The following ZNF839 variants were observed in gnomAD, a reference collection of about 807,000 sequenced individuals.
The protein encoded by ZNF839 is renal carcinoma antigen NY-REN-50.
ZNF839 carries 38 observed loss-of-function variants against 56.4 expected under a neutral mutation model. The observed-to-expected ratio is 0.67, with a 90% confidence interval of 0.52 to 0.88. ZNF839 has a LOEUF of 0.88. Among genes scored for constraint, ZNF839 ranks in the 40% least tolerant of loss-of-function variants. ZNF839 has a pLI of 0.00. For synonymous variants in ZNF839, 486 were observed against 493.5 expected (o/e 0.98, Z 0.20); for missense variants, 1,091 against 1,177.6 (o/e 0.93, Z 1.08).
chr14:102,323,740 G>A (rs558332358), intron 1 of ZNF839, among the ~76,000 whole-genome samples: 1 of 152,142 alleles, frequency 6.6e-6, no homozygotes, highest in South Asian at 2.1e-4. Context: ...CTACGCCTAG[G>A]TACATGCCCC....
intron 6 of ZNF839, 21 bp from the exon 7 acceptor site, chr14:102,339,073 G>C (rs796858020): frequency 1.2e-6 from 2 of 1,613,826 alleles, no homozygotes; most frequent in South Asian, 2.2e-5. Context: ...TATTCTAGCT[G>C]ATTGGGTCTT....
chr14:102,338,751 G>A, intron 5 of ZNF839, 65 bp from the exon 6 acceptor site: 1 of 1,599,238 alleles, frequency 6.3e-7, no homozygotes, highest in Non-Finnish European at 8.5e-7. Flanking sequence ...TCTTGCATGT[G>A]AATGTGCTTC....
At chr14:102,331,584 T>C in intron 2 of ZNF839, 38 bp from the exon 3 acceptor site, 1 of 1,533,978 alleles carries the variant, frequency 6.5e-7, no homozygotes, top group Non-Finnish European at 8.9e-7. Context: ...TAAAGCATGA[T>C]TGTTTTATTT....
At chr14:102,329,679 C>A (rs998161464) in intron 2 of ZNF839, among the ~76,000 whole-genome samples, 10 of 150,948 alleles carry the variant, frequency 6.6e-5, no homozygotes, top group Non-Finnish European at 1.3e-4. Flanking sequence ...GCCACTGCAC[C>A]TTGCCTCATT....
rs561854425 is a variant in ZNF839 at position 102,339,099 on chromosome 14, G to A, written c.1803G>A (p.Ala601=). The A allele has an allele frequency of 1.1e-4, 181 of 1,613,796 alleles. 1 individual carries two copies. The South Asian group carries it at 1.5e-3, about 13-fold the overall frequency. The change falls in exon 7 of 8, where the codon GCG becomes GCA. Residue 601 remains alanine (A), a synonymous_variant. Coordinates refer to ENST00000442396, the MANE Select transcript of ZNF839 (RefSeq NM_018335.6). ...ASSEKREREA[A]EEGLASVKRP... The stretch of plus-strand genomic sequence containing the variant: ...ATTGGGTCTTCTCTTCACAGGCTGC[G>A]GAGGAGGGACTGGCCTCAGTGAAAA...
chr14:102,334,736 C>A (rs2073940962), intron 4 of ZNF839, 90 bp downstream of exon 4: 2 of 671,090 alleles, frequency 3.0e-6, no homozygotes, highest in Non-Finnish European at 4.4e-6. Flanking sequence ...TTTTCAATAG[C>A]CTGCATAGTT....
chr14:102,331,174 A>G (rs1438467022), intron 2 of ZNF839, among the ~76,000 whole-genome samples: 1 of 152,264 alleles, frequency 6.6e-6, no homozygotes, highest in Non-Finnish European at 1.5e-5. Context: ...AAAGTTTAAA[A>G]AGTCATGGAT....
intron 5 of ZNF839, chr14:102,336,733 CTTTT>C: frequency 2.1e-5 from 6 of 290,692 alleles, no homozygotes; most frequent in East Asian, 1.1e-4. Context: ...TCATTTTCTT[CTTTT>C]TTTTTTTTTG....
At chr14:102,325,245 T>C (rs2073348465) in intron 1 of ZNF839, among the ~76,000 whole-genome samples, 1 of 149,230 alleles carries the variant, frequency 6.7e-6, no homozygotes, top group African/African-American at 2.5e-5. Context: ...GAGGCTGAGA[T>C]GAGAGAATCG....
chr14:102,328,335 CAA>C (rs2073531025), intron 2 of ZNF839, among the ~76,000 whole-genome samples: 1 of 86,270 alleles, frequency 1.2e-5, no homozygotes, highest in Non-Finnish European at 2.1e-5. Context: ...GCCTGGGCAA[CAA>C]GAGTGAAACT....
chr14:102,320,106 C>A (rs2073044796), intron 1 of ZNF839, 53 bp downstream of exon 1: 1 of 1,142,594 alleles, frequency 8.8e-7, no homozygotes, highest in Admixed American at 4.8e-5. Flanking sequence ...GGGCCGACGC[C>A]CCGCGGCGGG....
chr14:102,327,731 T>A (rs1678453833), intron 2 of ZNF839, among the ~76,000 whole-genome samples: 1 of 152,198 alleles, frequency 6.6e-6, no homozygotes, highest in Non-Finnish European at 1.5e-5. Context: ...TAGTGGAGGA[T>A]CTGAGACCCC....
chr14:102,328,734 G>A (rs1481798020), intron 2 of ZNF839, among the ~76,000 whole-genome samples: 1 of 151,934 alleles, frequency 6.6e-6, no homozygotes, highest in East Asian at 1.9e-4. Flanking sequence ...GAGTCACAGG[G>A]TATTTGTCTT....
chr14:102,338,718 T>C, intron 5 of ZNF839, 98 bp from the exon 6 acceptor site: 2 of 1,543,612 alleles, frequency 1.3e-6, no homozygotes, highest in Non-Finnish European at 1.8e-6. Context: ...CTTTGTAGAT[T>C]TAATTCTATG....
intron 5 of ZNF839, among the ~76,000 whole-genome samples, chr14:102,338,096 C>T (rs1350111051): frequency 6.6e-6 from 1 of 152,180 alleles, no homozygotes; most frequent in African/African-American, 2.4e-5. Context: ...GAAGGGAGAT[C>T]TGGGTGTGGG....
chr14:102,329,214 C>T (rs965356247), intron 2 of ZNF839, among the ~76,000 whole-genome samples: 6 of 151,986 alleles, frequency 3.9e-5, no homozygotes, highest in Middle Eastern at 3.2e-3. Flanking sequence ...TGTGATCCAC[C>T]GCCTTGGCCA....
In ZNF839 at chr14:102,341,848, T is replaced by C. The variant is rs755613958; in HGVS notation, c.2453T>C (p.Val818Ala). The stretch of plus-strand genomic sequence containing the variant: ...GCAGTGGACTGTGCCTACAGGACTG[T>C]GCCCAAGCCAGGGCCTCAGCCTGGC... ...SVAVDCAYRT[V>A]PKPGPQPGPH... Residue 818 changes from valine to alanine, a missense_variant, in exon 8 of 8, where the codon GTG (valine) becomes GCG (alanine). Coordinates refer to ENST00000442396, the MANE Select transcript of ZNF839 (RefSeq NM_018335.6). 3.1e-6 allele frequency: 5 copies of C among 1,614,050 alleles called. No individual in the cohort carries two copies. In the Admixed American group the frequency reaches 6.7e-5, roughly 22 times the overall value.
Position 102,326,863 on chromosome 14 carries a change from A to G in ZNF839, c.1167A>G (p.Thr389=), listed in dbSNP as rs763007937. 8.7e-6 allele frequency: 14 copies of G among 1,605,950 alleles called. No homozygotes were observed. Among genetic ancestry groups the G allele is most frequent in the South Asian group, 2.2e-5 (2 of 90,326 alleles). The change falls in exon 2 of 8, where the codon ACA becomes ACG. Residue 389 remains threonine (T), a synonymous_variant. Coordinates refer to ENST00000442396, the MANE Select transcript of ZNF839 (RefSeq NM_018335.6). The surrounding 1 kb of genome is among the most constrained non-coding windows in gnomAD (Gnocchi z 4.3). ...GAGGGGCCCGCTCCTGCTTGGTGAC[A>G]GAGTCAGCACGCGGTGGCCTGCAGG... The part of the protein sequence containing the change: ...CEGGARSCLV[T]ESARGGLQNG...
At chr14:102,324,880 G>A (rs1393148177) in intron 1 of ZNF839, among the ~76,000 whole-genome samples, 60 of 150,536 alleles carry the variant, frequency 4.0e-4, no homozygotes, top group Admixed American at 4.0e-3. Context: ...AACTCGGGAG[G>A]CGGAGGTCGC....
Sources: gnomAD v4.1 joint callset for allele counts (sites outside exome capture counted in the v4.1 genomes callset) on GRCh38, gnomAD v4.1.1 for gene constraint, Gnocchi (gnomAD v3.1) non-coding constraint, MANE v1.5 for transcripts, NCBI Gene and HGNC (gene_info 2026-07-23, HGNC 2026-07-21) for gene names.